ACSS3: variants seen among roughly 807,000 people sequenced by gnomAD.
ACSS3 encodes acyl-CoA synthetase short chain family member 3.
In ACSS3, 64 loss-of-function variants were observed where a neutral mutation model predicts 84.2. The ratio of observed to expected loss-of-function variants is 0.76; its 90% confidence interval spans 0.62 to 0.94. ACSS3 has a LOEUF of 0.94. ACSS3 is among the 40% of genes least tolerant of loss of function. The probability of loss-of-function intolerance (pLI) is 0.00; values close to 1 mark genes in which losing one functional copy is unlikely to be tolerated. For synonymous variants in ACSS3, 317 were observed against 310.1 expected (o/e 1.02, Z -0.23); for missense variants, 815 against 867.6 (o/e 0.94, Z 0.76).
At chr12:81,129,801 G>A (rs539407709) in intron 2 of ACSS3, among the ~76,000 whole-genome samples, 3 of 105,680 alleles carry the variant, frequency 2.8e-5, no homozygotes, top group South Asian at 3.0e-4. Flanking sequence ...ATAGGCCCCC[G>A]TGTGTGATAT....
rs190407654 is a variant in ACSS3, at chr12:81,225,966, A to G, written c.1515-5091A>G. 4.6e-5 allele frequency among the ~76,000 whole-genome samples: 7 copies of G among 151,996 alleles called. No individual in the cohort carries two copies. The East Asian group carries it at 1.4e-3, about 30-fold the overall frequency. Reference sequence around the variant, plus strand: ...GGCTACTTCCACTCAAATCTTTCTCATACTAAATCAACCTGCCTTTGTGCA... The same window carrying G: ...GGCTACTTCCACTCAAATCTTTCTCGTACTAAATCAACCTGCCTTTGTGCA... On this transcript the variant is annotated intron_variant, in intron 11 of 15. Coordinates refer to ENST00000548058, the MANE Select transcript of ACSS3 (RefSeq NM_024560.4).
rs1465262282 is a variant in ACSS3 at position 81,078,263 on chromosome 12, G to A, written c.143G>A (p.Gly48Asp). The change falls in exon 1 of 16, where the codon GGC (glycine) becomes GAC (aspartate). Residue 48 changes from glycine to aspartate, a missense_variant. Transcript: ENST00000548058. ...CCGGGCCCGCGGGGCGGTCTCGGGG[G>A]CCGGGGATGCAGGGCACTGTCCTCC... ...VVPGPRGGLG[G>D]RGCRALSSGS... 5 of 1,609,938 alleles carry A rather than the reference G, an allele frequency of 3.1e-6. No homozygotes were observed. The highest frequency in any genetic ancestry group is 4.2e-6 in the Non-Finnish European group (5 of 1,179,644).
At chr12:81,135,420 T>C (rs181295485) in intron 3 of ACSS3, among the ~76,000 whole-genome samples, 1,691 of 142,648 alleles carry the variant, frequency 0.012, 39 homozygotes, top group African/African-American at 0.041. Flanking sequence ...TAATAATATA[T>C]AAATATATAT....
chr12:81,137,455 G>T (rs908248833), intron 3 of ACSS3, among the ~76,000 whole-genome samples: 1 of 151,872 alleles, frequency 6.6e-6, no homozygotes, highest in African/African-American at 2.4e-5. Context: ...AGAAGATGGA[G>T]ATATATATAT....
At chr12:81,080,553 CT>C (rs1437949112) in intron 1 of ACSS3, among the ~76,000 whole-genome samples, 1 of 151,968 alleles carries the variant, frequency 6.6e-6, no homozygotes, top group Non-Finnish European at 1.5e-5. Context: ...GCGATTCAAT[CT>C]TAAAAGAATT....
intron 11 of ACSS3, among the ~76,000 whole-genome samples, chr12:81,228,121 G>A (rs2033332475): frequency 6.6e-6 from 1 of 151,832 alleles, no homozygotes; most frequent in Non-Finnish European, 1.5e-5. Context: ...TACCACTGAA[G>A]TACATTTTAG....
At chr12:81,167,968 G>T (rs1256749523) in intron 7 of ACSS3, among the ~76,000 whole-genome samples, 2 of 152,150 alleles carry the variant, frequency 1.3e-5, no homozygotes, top group African/African-American at 4.8e-5. Flanking sequence ...AAGAGGGATT[G>T]TCAAAATAGC....
rs1320269342 is a variant in ACSS3 at position 81,254,874 on chromosome 12, A to G, written c.2013A>G (p.Glu671=). The part of the protein sequence containing the change: ...GKPYKITSTI[E]DPSIFGHVEE... ...TTTTCCAGATAACTTCTACAATTGA[A>G]GACCCCAGCATTTTTGGCCACGTAG... is the stretch of plus-strand genomic sequence containing the variant. The change falls in exon 16 of 16, where the codon GAA becomes GAG. Residue 671 remains glutamate (E), a synonymous_variant. Coordinates refer to ENST00000548058, the MANE Select transcript of ACSS3 (RefSeq NM_024560.4). 3.1e-6 allele frequency: 5 copies of G among 1,608,678 alleles called. No individual in the cohort carries two copies. Among genetic ancestry groups the G allele is most frequent in the Non-Finnish European group, 4.2e-6 (5 of 1,177,554 alleles).
intron 1 of ACSS3, among the ~76,000 whole-genome samples, chr12:81,108,156 T>C (rs998226638): frequency 2.0e-5 from 3 of 152,072 alleles, no homozygotes; most frequent in Non-Finnish European, 4.4e-5. Context: ...AATTCTGTGC[T>C]ATGCTGTAGG....
chr12:81,213,737 C>CCTCCGCTCGGCTCCTCTCCT, intron 9 of ACSS3, among the ~76,000 whole-genome samples: 1 of 90,736 alleles, frequency 1.1e-5, no homozygotes, highest in Admixed American at 1.1e-4. Context: ...CCTCCGCTCC[C>CCTCCGCTCGGCTCCTCTCCT]CTCCGCTCGG....
chr12:81,259,315 T>C lies in ACSS3; in HGVS notation c.*4393T>C. ...TTTAAAAAATCATATTTATATCCAT[T>C]TACATAAGACTTACACATTTAAAAA... On this transcript the variant is annotated 3_prime_UTR_variant, in exon 16 of 16. Coordinates refer to ENST00000548058, the MANE Select transcript of ACSS3 (RefSeq NM_024560.4). The C allele has an allele frequency of 2.3e-6, 1 of 438,560 alleles. No homozygotes were observed. Among genetic ancestry groups the C allele is most frequent in the Non-Finnish European group, 4.2e-6 (1 of 236,866 alleles). 27.2% of individuals were successfully genotyped at this position (438,560 alleles called of 1,614,324 possible).
intron 2 of ACSS3, among the ~76,000 whole-genome samples, chr12:81,119,045 T>C (rs1884320446): frequency 1.3e-5 from 2 of 152,082 alleles, no homozygotes; most frequent in Non-Finnish European, 2.9e-5. Flanking sequence ...TCGGCCGATC[T>C]GAGAAATAAA....
At chr12:81,159,978 T>A (rs1887069736) in intron 7 of ACSS3, among the ~76,000 whole-genome samples, 1 of 152,262 alleles carries the variant, frequency 6.6e-6, no homozygotes, top group Non-Finnish European at 1.5e-5. Context: ...TGCAAAAGTG[T>A]GTGTTGTACA....
At chr12:81,197,597 C>T (rs567466093) in intron 8 of ACSS3, among the ~76,000 whole-genome samples, 4 of 152,166 alleles carry the variant, frequency 2.6e-5, no homozygotes, top group Non-Finnish European at 5.9e-5. Context: ...TGAAGAGAAT[C>T]CTTCTATGAA....
Position 81,226,370 on chromosome 12 carries a change from C to G in ACSS3, c.1515-4687C>G, listed in dbSNP as rs189263902. 2.6e-5 allele frequency among the ~76,000 whole-genome samples: 4 copies of G among 151,488 alleles called. No homozygotes were observed. The Admixed American group carries it at 2.6e-4, about 10-fold the overall frequency. Reference sequence around the variant, plus strand: ...TATTTCTGCAACACTGATATTTAGCCGTAGAACTATTTTTCCTGTTTTATA... The same window carrying G: ...TATTTCTGCAACACTGATATTTAGCGGTAGAACTATTTTTCCTGTTTTATA... On this transcript the variant is annotated intron_variant, in intron 11 of 15. Coordinates refer to ENST00000548058, the MANE Select transcript of ACSS3 (RefSeq NM_024560.4).
At chr12:81,133,405 CCTGACCTGATCGACAACTG>C (rs1885625638) in intron 2 of ACSS3, among the ~76,000 whole-genome samples, 1 of 152,142 alleles carries the variant, frequency 6.6e-6, no homozygotes, top group Non-Finnish European at 1.5e-5. Context: ...CCTTTGGCTC[CCTGACCTGATCGACAACTG>C]TCTTTTCACT....
At position 81,134,869 on chromosome 12, in the gene ACSS3, T is replaced by C; in HGVS notation, c.510T>C (p.Thr170=). 3 of 1,598,324 alleles carry C rather than the reference T, an allele frequency of 1.9e-6. No homozygotes were observed. Among genetic ancestry groups the C allele is most frequent in the Non-Finnish European group, 2.6e-6 (3 of 1,171,136 alleles). The change falls in exon 3 of 16, where the codon ACT becomes ACC. Residue 170 remains threonine, a synonymous_variant. Transcript: ENST00000548058. ...LVKHGIKKGD[T]VVIYMPMIPQ... ...AGCATGGCATCAAGAAAGGTGACAC[T>C]GTGGTTATCTACATGCCTATGATCC...
At position 81,169,608 on chromosome 12, in the gene ACSS3, G is replaced by A. The variant is rs369218737; in HGVS notation, c.1099-5180G>A. Among the ~76,000 whole-genome samples, 116 of 152,106 alleles carry A rather than the reference G, an allele frequency of 7.6e-4. 1 individual carries two copies. The highest frequency in any genetic ancestry group is 2.7e-3 in the African/African-American group (112 of 41,506). ...GATAGTTAATTCATATATGAGCAATGTCTTTTATTGTTTTTTAATACAAAT... is the reference window on the plus strand; with the variant it reads ...GATAGTTAATTCATATATGAGCAATATCTTTTATTGTTTTTTAATACAAAT... On this transcript the variant is annotated intron_variant, in intron 7 of 15. Transcript: ENST00000548058.
chr12:81,105,924 G>C (rs1325732569), intron 1 of ACSS3, among the ~76,000 whole-genome samples: 1 of 152,216 alleles, frequency 6.6e-6, no homozygotes, highest in Non-Finnish European at 1.5e-5. Context: ...CTTGGGGAGG[G>C]TGGTGGTAAA....
Sources: gnomAD v4.1 joint callset for allele counts (sites outside exome capture counted in the v4.1 genomes callset) on GRCh38, gnomAD v4.1.1 for gene constraint, MANE v1.5 for transcripts, NCBI Gene and HGNC (gene_info 2026-07-23, HGNC 2026-07-21) for gene names.